The following TYW1B variants were observed in gnomAD, a reference collection of about 807,000 sequenced individuals.
TYW1B encodes S-adenosyl-L-methionine-dependent tRNA 4-demethylwyosine synthase TYW1B.
Under a neutral mutation model 86.9 loss-of-function variants are expected in TYW1B, and 73 were observed. The ratio of observed to expected loss-of-function variants is 0.84; its 90% CI spans 0.70 to 1.02. The LOEUF (loss-of-function observed/expected upper bound fraction) is 1.02, where lower values mean the gene tolerates loss of function less well. Ranked by LOEUF, TYW1B falls within the 50% of genes least tolerant of loss-of-function variation. The pLI, the probability that TYW1B is intolerant of heterozygous loss-of-function variation, is 0.00. For synonymous variants in TYW1B, 248 were observed against 292.8 expected (o/e 0.85, Z 1.56); for missense variants, 637 against 827.4 (o/e 0.77, Z 2.82).
At chr7:72,670,349 G>A (rs1441396276) in intron 11 of TYW1B, among the ~76,000 whole-genome samples, 6 of 152,060 alleles carry the variant, frequency 3.9e-5, no homozygotes, top group African/African-American at 1.2e-4. Flanking sequence ...CTACCACCAC[G>A]CCCAACTAAT....
chr7:72,675,556 T>TATATATAC (rs1491419640), intron 11 of TYW1B, among the ~76,000 whole-genome samples: 27 of 136,038 alleles, frequency 2.0e-4, no homozygotes, highest in Middle Eastern at 3.9e-3. Flanking sequence ...TATATATATA[T>TATATATAC]ACACACATAT....
chr7:72,754,546 C>T (rs1787555019), intron 7 of TYW1B, among the ~76,000 whole-genome samples: 1 of 152,090 alleles, frequency 6.6e-6, no homozygotes, highest in Admixed American at 6.6e-5. Flanking sequence ...AAGCAATTCT[C>T]ATGCCTCAGC....
At chr7:72,792,330 A>C (rs181219533) in intron 6 of TYW1B, among the ~76,000 whole-genome samples, 26 of 152,284 alleles carry the variant, frequency 1.7e-4, no homozygotes, top group Non-Finnish European at 2.5e-4. Context: ...CCATCTCAAA[A>C]AAAAAAAGAA....
At chr7:72,772,797 CAGCATA>C (rs1475599349) in intron 7 of TYW1B, among the ~76,000 whole-genome samples, 2 of 152,148 alleles carry the variant, frequency 1.3e-5, no homozygotes, top group Non-Finnish European at 2.9e-5. Context: ...GTCTGGATGA[CAGCATA>C]AGTGGATCAG....
intron 11 of TYW1B, among the ~76,000 whole-genome samples, chr7:72,635,113 T>C (rs1327655334): frequency 1.3e-5 from 2 of 152,176 alleles, no homozygotes; most frequent in South Asian, 2.1e-4. Flanking sequence ...TTTTATCATA[T>C]TGCCACTCAC....
intron 9 of TYW1B, among the ~76,000 whole-genome samples, chr7:72,725,981 C>T (rs548800040): frequency 6.6e-6 from 1 of 152,278 alleles, no homozygotes; most frequent in South Asian, 2.1e-4. Context: ...GAAAATACGA[C>T]TTTGCCTTGA....
intron 9 of TYW1B, among the ~76,000 whole-genome samples, chr7:72,720,358 C>A (rs1786872490): frequency 6.6e-6 from 1 of 152,110 alleles, no homozygotes; most frequent in Non-Finnish European, 1.5e-5. Context: ...CACAGAGCAG[C>A]CAGGGAGGAC....
intron 11 of TYW1B, among the ~76,000 whole-genome samples, chr7:72,687,308 G>C (rs1814030893): frequency 6.6e-6 from 1 of 152,176 alleles, no homozygotes; most frequent in Admixed American, 6.6e-5. Flanking sequence ...GGTGGTGCAT[G>C]CCTGTAATTC....
chr7:72,576,463 G>A (rs1446565377), intron 13 of TYW1B, among the ~76,000 whole-genome samples: 3 of 151,084 alleles, frequency 2.0e-5, no homozygotes, highest in South Asian at 2.1e-4. Context: ...TAACTAATAC[G>A]CTGATACCTG....
chr7:72,798,669 A>G (rs1758934389), intron 6 of TYW1B, among the ~76,000 whole-genome samples: 2 of 152,246 alleles, frequency 1.3e-5, no homozygotes, highest in African/African-American at 4.8e-5. Context: ...ATAAATGCAT[A>G]TGTGATTTTG....
chr7:72,718,332 G>A (rs548792088), intron 9 of TYW1B, among the ~76,000 whole-genome samples: 5 of 152,278 alleles, frequency 3.3e-5, no homozygotes, highest in East Asian at 1.9e-4. Context: ...AGGATGGGAC[G>A]GGGCGACAGT....
At chr7:72,731,125 G>GAA (rs1162938084) in intron 8 of TYW1B, among the ~76,000 whole-genome samples, 29 of 71,108 alleles carry the variant, frequency 4.1e-4, no homozygotes, top group African/African-American at 9.2e-4. Context: ...CTAAGGGCTG[G>GAA]AAAAAAAAAA....
At chr7:72,738,788 G>C (rs1554461528) in intron 8 of TYW1B, among the ~76,000 whole-genome samples, 1 of 152,094 alleles carries the variant, frequency 6.6e-6, no homozygotes, top group Non-Finnish European at 1.5e-5. Context: ...ACATGTAAAA[G>C]AATATGGTAT....
chr7:72,763,013 C>T (rs568916461), intron 7 of TYW1B, among the ~76,000 whole-genome samples: 7 of 151,940 alleles, frequency 4.6e-5, no homozygotes, highest in African/African-American at 1.4e-4. Context: ...ACACTCATGA[C>T]CCTCGATATA....
chr7:72,640,968 A>G (rs1192554271), intron 11 of TYW1B, among the ~76,000 whole-genome samples: 5 of 152,142 alleles, frequency 3.3e-5, no homozygotes, highest in South Asian at 4.1e-4. Context: ...AACTGGGGAG[A>G]ACAAAGAAAC....
At chr7:72,772,040 G>A (rs1173713762) in intron 7 of TYW1B, among the ~76,000 whole-genome samples, 2 of 151,384 alleles carry the variant, frequency 1.3e-5, no homozygotes, top group Non-Finnish European at 2.9e-5. Context: ...GTAGGAATGG[G>A]GTTTCACCAT....
intron 11 of TYW1B, among the ~76,000 whole-genome samples, chr7:72,664,822 T>A (rs111474771): frequency 6.6e-6 from 1 of 152,186 alleles, no homozygotes; most frequent in Admixed American, 6.5e-5. Context: ...GGGGGATTGG[T>A]TCCAGGAACC....
At chr7:72,815,159 A>T (rs1554479166) in intron 3 of TYW1B, among the ~76,000 whole-genome samples, 1 of 152,008 alleles carries the variant, frequency 6.6e-6, no homozygotes, top group Non-Finnish European at 1.5e-5. Flanking sequence ...CCCCAGGAGA[A>T]TTTAACACAC....
intron 11 of TYW1B, among the ~76,000 whole-genome samples, chr7:72,673,035 G>A (rs1212183286): frequency 3.3e-5 from 5 of 152,086 alleles, no homozygotes; most frequent in Admixed American, 1.3e-4. Context: ...CGGGTGTCGC[G>A]GCGTGCACCT....
Sources: gnomAD v4.1 joint callset for allele counts (sites outside exome capture counted in the v4.1 genomes callset) on GRCh38, gnomAD v4.1.1 for gene constraint, MANE v1.5 for transcripts, NCBI Gene and HGNC (gene_info 2026-07-23, HGNC 2026-07-21) for gene names.